The following PLD5 variants were observed in gnomAD, a reference collection of about 807,000 sequenced individuals.
PLD5 encodes the protein inactive phospholipase D5.
A neutral mutation model predicts 61.1 loss-of-function variants in PLD5; 36 were observed. The observed-to-expected ratio is 0.59, with a 90% CI of 0.45 to 0.78. PLD5 has a LOEUF of 0.78. PLD5 is among the 30% of genes least tolerant of loss of function. The pLI is 0.00. For missense variants in PLD5, 515 were observed against 644.4 expected (o/e 0.80, Z 2.17); for synonymous variants, 243 against 242.8 (o/e 1.00, Z -0.01).
intron 1 of PLD5, among the ~76,000 whole-genome samples, chr1:242,407,319 G>A (rs1018004533): frequency 2.0e-5 from 3 of 152,088 alleles, no homozygotes; most frequent in African/African-American, 7.2e-5. Flanking sequence ...AAATTACCCA[G>A]TCTTGGGTAT....
intron 1 of PLD5, among the ~76,000 whole-genome samples, chr1:242,501,598 T>C (rs1668556752): frequency 6.6e-6 from 1 of 152,146 alleles, no homozygotes; most frequent in Admixed American, 6.6e-5. Context: ...TATTTACATT[T>C]GTTTTGGAAC....
chr1:242,489,080 GATA>G (rs1393727594), intron 1 of PLD5, among the ~76,000 whole-genome samples: 2 of 152,104 alleles, frequency 1.3e-5, no homozygotes, highest in African/African-American at 4.8e-5. Context: ...TCAAAAATAT[GATA>G]ATGAGTGAAA....
In PLD5 at chr1:242,086,300, C is replaced by G. The variant is rs1376751691; in HGVS notation, c.*3554G>C. The stretch of plus-strand genomic sequence containing the variant: ...TGTCTGCTTTGACTTGTTAAAGACG[C>G]TGGTTTTCATTCTCTGTGCCACAGG... On this transcript the variant is annotated 3_prime_UTR_variant, in exon 10 of 10. Transcript: ENST00000536534. 6.6e-6 allele frequency: 1 copy of G among 152,168 alleles called. No individual in the cohort carries two copies. The highest frequency in any genetic ancestry group is 1.5e-5 in the Non-Finnish European group (1 of 68,044). 9.4% of individuals were successfully genotyped at this position (152,168 alleles called of 1,614,324 possible). A position where few individuals can be genotyped will look rare whatever the true frequency, so the allele number is the denominator to read the frequency against.
chr1:242,376,360 A>G (rs1473689138), intron 1 of PLD5, among the ~76,000 whole-genome samples: 1 of 152,190 alleles, frequency 6.6e-6, no homozygotes, highest in East Asian at 1.9e-4. Context: ...ACTGGAGTGC[A>G]GTTGTCTCAA....
At chr1:242,152,809 A>G (rs1309687035) in intron 5 of PLD5, among the ~76,000 whole-genome samples, 1 of 152,174 alleles carries the variant, frequency 6.6e-6, no homozygotes, top group East Asian at 1.9e-4. Context: ...TAGTGCCACA[A>G]TAAACATACG....
rs557127210 is a variant in PLD5, at chr1:242,254,298, A to G, written c.607+11039T>C. Among the ~76,000 whole-genome samples the G allele has an allele frequency of 8.6e-5, 13 of 151,228 alleles. No homozygotes were observed. The South Asian group carries it at 2.7e-3, about 32-fold the overall frequency. ...ACCAGACACTTTTTATATATTATCT[A>G]ATTTAATTCTCATAGCTCTCAGGGA... On this transcript the variant is annotated intron_variant, in intron 4 of 9. Transcript: ENST00000536534.
intron 2 of PLD5, among the ~76,000 whole-genome samples, chr1:242,342,079 G>C (rs1228569973): frequency 6.6e-6 from 1 of 152,172 alleles, no homozygotes; most frequent in Non-Finnish European, 1.5e-5. Context: ...TGTTTACTCA[G>C]CTTGCTTAAC....
intron 1 of PLD5, among the ~76,000 whole-genome samples, chr1:242,489,094 G>C (rs1668056595): frequency 6.6e-6 from 1 of 152,098 alleles, no homozygotes; most frequent in South Asian, 2.1e-4. Flanking sequence ...ATGAGTGAAA[G>C]AAGCCAGACA....
At chr1:242,326,694 A>G (rs979436642) in intron 2 of PLD5, among the ~76,000 whole-genome samples, 2 of 151,768 alleles carry the variant, frequency 1.3e-5, no homozygotes, top group African/African-American at 4.8e-5. Context: ...CATCTTTTAT[A>G]TAAGTTTTTT....
chr1:242,499,597 T>C (rs574852565), intron 1 of PLD5, among the ~76,000 whole-genome samples: 1 of 152,320 alleles, frequency 6.6e-6, no homozygotes, highest in South Asian at 2.1e-4. Flanking sequence ...TTTTTCACTT[T>C]TTGTTTGTTT....
At chr1:242,487,250 G>A (rs1414083300) in intron 1 of PLD5, among the ~76,000 whole-genome samples, 1 of 151,924 alleles carries the variant, frequency 6.6e-6, no homozygotes, top group Non-Finnish European at 1.5e-5. Flanking sequence ...AGAAAATGTG[G>A]CACATGAATA....
At chr1:242,406,026 T>C (rs1256707732) in intron 1 of PLD5, among the ~76,000 whole-genome samples, 1 of 152,230 alleles carries the variant, frequency 6.6e-6, no homozygotes, top group Non-Finnish European at 1.5e-5. Context: ...CTTCTCTCAC[T>C]GCTTTCTTTT....
At chr1:242,425,809 A>AT (rs1665390340) in intron 1 of PLD5, among the ~76,000 whole-genome samples, 1 of 151,560 alleles carries the variant, frequency 6.6e-6, no homozygotes, top group Non-Finnish European at 1.5e-5. Flanking sequence ...CACCTGACTA[A>AT]TTTTTTTGTA....
chr1:242,393,698 ATATATGTGTG>A (rs1663131606), intron 1 of PLD5, among the ~76,000 whole-genome samples: 1 of 100,600 alleles, frequency 9.9e-6, no homozygotes, highest in African/African-American at 3.6e-5. Context: ...ATATATGAGT[ATATATGTGTG>A]TATATATGAG....
intron 5 of PLD5, among the ~76,000 whole-genome samples, chr1:242,132,364 T>A (rs1663365385): frequency 1.3e-5 from 2 of 152,114 alleles, no homozygotes; most frequent in South Asian, 4.1e-4. Context: ...TTTGCTGTAA[T>A]TCAGAATAAT....
chr1:242,418,732 T>C (rs572973476), intron 1 of PLD5, among the ~76,000 whole-genome samples: 2 of 152,150 alleles, frequency 1.3e-5, no homozygotes, highest in African/African-American at 4.8e-5. Context: ...ATCACCGAAT[T>C]GAGCATGATA....
chr1:242,423,461 TATACTC>T (rs1167146135), intron 1 of PLD5, among the ~76,000 whole-genome samples: 28 of 152,244 alleles, frequency 1.8e-4, no homozygotes, highest in African/African-American at 6.7e-4. Context: ...CTATGTCACT[TATACTC>T]AGACACTGGT....
chr1:242,220,677 A>T (rs1024468732), intron 4 of PLD5, among the ~76,000 whole-genome samples: 3 of 149,442 alleles, frequency 2.0e-5, no homozygotes, highest in Non-Finnish European at 3.0e-5. Context: ...TCTCTTCTTC[A>T]TCTTTATCTG....
At chr1:242,161,581 TAAG>T (rs1452505722) in intron 5 of PLD5, among the ~76,000 whole-genome samples, 4 of 152,122 alleles carry the variant, frequency 2.6e-5, no homozygotes, top group Non-Finnish European at 4.4e-5. Context: ...TGTGAATATT[TAAG>T]TTTTGTCCAG....
Sources: gnomAD v4.1 joint callset for allele counts (sites outside exome capture counted in the v4.1 genomes callset) on GRCh38, gnomAD v4.1.1 for gene constraint, MANE v1.5 for transcripts, NCBI Gene and HGNC (gene_info 2026-07-23, HGNC 2026-07-21) for gene names.